Variants in PROP1 observed in about 807,000 individuals in gnomAD.
PROP1 encodes homeobox protein prophet of Pit-1.
A neutral mutation model predicts 22.3 loss-of-function variants in PROP1; 12 were observed. The observed-to-expected ratio is 0.54, with a 90% CI of 0.34 to 0.87. The LOEUF (loss-of-function observed/expected upper bound fraction) is 0.87, where lower values mean the gene tolerates loss of function less well. PROP1 is among the 40% of genes least tolerant of loss of function. The pLI is 0.01. For missense variants in PROP1, 278 were observed against 295.1 expected (o/e 0.94, Z 0.43); for synonymous variants, 112 against 116.7 (o/e 0.96, Z 0.26).
rs587776682 is a variant in PROP1 at position 177,994,323 on chromosome 5, GGTGGAGCACTCGA to G, written c.112_124del (p.Ser38ProfsTer123). Reference sequence around the variant, plus strand: ...TCCTGCACCAGGGAGCCTTCTGCAGGGTGGAGCACTCGAGTCTGAGAACGGAGAGAAGGGAGGG... The same window carrying G: ...TCCTGCACCAGGGAGCCTTCTGCAGGGTCTGAGAACGGAGAGAAGGGAGGG... On this transcript the variant is annotated frameshift_variant and splice_region_variant, in exon 2 of 3. Coordinates refer to ENST00000308304, the MANE Select transcript of PROP1 (RefSeq NM_006261.5). LOFTEE classifies it high-confidence loss of function. The G allele has an allele frequency of 6.2e-6, 10 of 1,603,158 alleles. 1 individual carries two copies. In the South Asian group the frequency reaches 1.1e-4, roughly 18 times the overall value.
At chr5:177,995,435 G>A (rs1036759481) in intron 1 of PROP1, among the ~76,000 whole-genome samples, 54 of 152,086 alleles carry the variant, frequency 3.6e-4, no homozygotes, top group African/African-American at 1.2e-3. Context: ...CCCTCCTAGA[G>A]CTCACTGTCC....
In PROP1 at chr5:177,995,830, G is replaced by T. The variant is rs200195718; in HGVS notation, c.104C>A (p.Thr35Lys). Residue 35 changes from threonine to lysine, a missense_variant, in exon 1 of 3, where the codon ACG becomes AAG. By Grantham distance (78) the Thr-to-Lys change is moderately conservative. Coordinates refer to ENST00000308304, the MANE Select transcript of PROP1 (RefSeq NM_006261.5). The stretch of plus-strand genomic sequence containing the variant: ...ACACCGGGACGGTCACTCACCCACC[G>T]TGGTGGTCGGGGTCCCAGTGGCCGG... ...RHPATGTPTT[T>K]VDSSAPPCRR... The T allele has an allele frequency of 6.2e-7, 1 of 1,613,456 alleles. No homozygotes were observed. The highest frequency in any genetic ancestry group is 1.7e-5 in the Admixed American group (1 of 60,028).
At chr5:177,994,084 G>C (rs775111089) in intron 2 of PROP1, 22 bp downstream of exon 2, 6 of 1,610,290 alleles carry the variant, frequency 3.7e-6, no homozygotes, top group South Asian at 1.1e-5. Context: ...TTTCCTGAGA[G>C]AGGAGGATCC....
At position 177,992,798 on chromosome 5, in the gene PROP1, A is replaced by G. The variant is rs780774091; in HGVS notation, c.592T>C (p.Leu198=). The change falls in exon 3 of 3, where the codon TTG becomes CTG. Residue 198 remains leucine (L), a synonymous_variant. Coordinates refer to ENST00000308304, the MANE Select transcript of PROP1 (RefSeq NM_006261.5). ...AGATGGCCGGCAGGGGCTGGGTGCA[A>G]GGTAGGGTACCAGTCCTCAGACTGG... The part of the protein sequence containing the change: ...SHQSEDWYPT[L]HPAPAGHLPC... The G allele has an allele frequency of 1.8e-5, 29 of 1,605,700 alleles. 1 individual carries two copies. The South Asian group carries it at 3.1e-4, about 17-fold the overall frequency.
intron 2 of PROP1, among the ~76,000 whole-genome samples, chr5:177,993,658 T>C (rs912993837): frequency 1.3e-5 from 2 of 151,652 alleles, no homozygotes; most frequent in African/African-American, 4.8e-5. Flanking sequence ...ACCTCCCGGG[T>C]TCAAGTGATT....
chr5:177,995,802 C>T (rs374115686), intron 1 of PROP1, 23 bp downstream of exon 1: 69 of 1,591,660 alleles, frequency 4.3e-5, no homozygotes, highest in Non-Finnish European at 5.2e-5. Flanking sequence ...CAGGGACCCA[C>T]GCACACCGGG....
In PROP1 at chr5:177,994,127, G is replaced by T. The variant is rs752760222; in HGVS notation, c.321C>A (p.Gly107=). Residue 107 remains glycine, a synonymous_variant, in exon 2 of 3, where the codon GGC becomes GGA. Transcript: ENST00000308304. Reference sequence around the variant, plus strand: ...TCACCTGGATTCGGGCCTCACTGAGGCCAGTGTCCCGGGCAAGACTCTCTC... The same window carrying T: ...TCACCTGGATTCGGGCCTCACTGAGTCCAGTGTCCCGGGCAAGACTCTCTC... ...WARESLARDT[G]LSEARIQVWF... is the part of the protein sequence containing the mutation. 2 of 1,614,136 alleles carry T rather than the reference G, an allele frequency of 1.2e-6. No homozygotes were observed. The highest frequency in any genetic ancestry group is 1.1e-5 in the South Asian group (1 of 91,078).
chr5:177,995,712 T>A, intron 1 of PROP1, 113 bp downstream of exon 1: 1 of 836,466 alleles, frequency 1.2e-6, no homozygotes, highest in East Asian at 2.6e-5. Context: ...AGTTTTAACA[T>A]GATAGGATTC....
rs1032338553 is a variant in PROP1 at position 177,994,373 on chromosome 5, G to A, written c.110-35C>T. 4 of 1,537,078 alleles carry A rather than the reference G, an allele frequency of 2.6e-6. No homozygotes were observed. In the East Asian group the frequency reaches 7.2e-5, roughly 28 times the overall value. On this transcript the variant is annotated intron_variant, in intron 1 of 2. Transcript: ENST00000308304. The stretch of plus-strand genomic sequence containing the variant: ...GAGAGAAGGGAGGGGCGGCTTCTGA[G>A]GAGGACGCTCCTCGGTGCTGGACCA...
At position 177,995,992 on chromosome 5, in the gene PROP1, C is replaced by T; in HGVS notation, c.-59G>A. On this transcript the variant is annotated 5_prime_UTR_variant, in exon 1 of 3. Coordinates refer to ENST00000308304, the MANE Select transcript of PROP1 (RefSeq NM_006261.5). ...CTGACTTGAGATTTCTCTGCTTCCG[C>T]AGCTCCTCTCCACACCTGTTCCCTC... 1.4e-6 allele frequency: 2 copies of T among 1,458,168 alleles called. No individual in the cohort carries two copies. Among genetic ancestry groups the T allele is most frequent in the Non-Finnish European group, 1.9e-6 (2 of 1,045,576 alleles). The allele number at this position is 1,458,168 out of a possible 1,614,324, so 90.3% of individuals were successfully genotyped here. A position where few individuals can be genotyped will look rare whatever the true frequency, so the allele number is the denominator to read the frequency against.
Position 177,994,139 on chromosome 5 carries a change from G to A in PROP1, c.309C>T (p.Ala103=). The A allele has an allele frequency of 6.2e-7, 1 of 1,614,126 alleles. No individual in the cohort carries two copies. Residue 103 remains alanine, a synonymous_variant, in exon 2 of 3, where the codon GCC becomes GCT. Transcript: ENST00000308304. The part of the protein sequence containing the change: ...YPDIWARESL[A]RDTGLSEARI... ...GGGCCTCACTGAGGCCAGTGTCCCGGGCAAGACTCTCTCGGGCCCAGATGT... is the reference window on the plus strand; with the variant it reads ...GGGCCTCACTGAGGCCAGTGTCCCGAGCAAGACTCTCTCGGGCCCAGATGT...
chr5:177,992,778 GC>G lies in PROP1; in HGVS notation c.611del (p.Gly204AlafsTer32), dbSNP rs1554182368. ...GAGGGGGTGGGGGGCAGGGCAGATG[GC>G]CGGCAGGGGCTGGGTGCAAGGTAGG... Reference protein sequence around the residue: ...WYPTLHPAPAGHLPCPPPPPM... With the variant: ...WYPTLHPAPAXHLPCPPPPPM... On this transcript the variant is annotated frameshift_variant, in exon 3 of 3. Coordinates refer to ENST00000308304, the MANE Select transcript of PROP1 (RefSeq NM_006261.5). LOFTEE classifies it high-confidence loss of function. 7 of 1,594,232 alleles carry G rather than the reference GC, an allele frequency of 4.4e-6. No homozygotes were observed. The highest frequency in any genetic ancestry group is 5.1e-6 in the Non-Finnish European group (6 of 1,170,978).
In PROP1 at chr5:177,994,354, A is replaced by G. The variant is rs1412629815; in HGVS notation, c.110-16T>C. 1.9e-6 allele frequency: 3 copies of G among 1,570,880 alleles called. No homozygotes were observed. Among genetic ancestry groups the G allele is most frequent in the Non-Finnish European group, 2.6e-6 (3 of 1,157,252 alleles). On this transcript the variant is annotated splice_polypyrimidine_tract_variant and intron_variant, in intron 1 of 2. Coordinates refer to ENST00000308304, the MANE Select transcript of PROP1 (RefSeq NM_006261.5). ...GCACTCGAGTCTGAGAACGGAGAGA[A>G]GGGAGGGGCGGCTTCTGAGGAGGAC...
chr5:177,995,549 A>C (rs1009043276), intron 1 of PROP1, among the ~76,000 whole-genome samples: 7 of 150,734 alleles, frequency 4.6e-5, no homozygotes, highest in South Asian at 2.1e-4. Flanking sequence ...GGGCTAACCA[A>C]CTCTGAGGTC....
intron 1 of PROP1, 77 bp downstream of exon 1, chr5:177,995,745 CCTT>C (rs763104482): frequency 5.5e-5 from 62 of 1,129,378 alleles, no homozygotes; most frequent in South Asian, 1.6e-4. Context: ...CTCCTCCTAA[CCTT>C]CTTCATGGAG....
chr5:177,992,745 G>A lies in PROP1; in HGVS notation c.645C>T (p.Leu215=). ...HLPCPPPPPM[L]PLSLEPSKSW... ...ACTTGGATGGCTCAAGGCTGAGGGG[G>A]AGCATGGGAGGGGGTGGGGGGCAGG... is the stretch of plus-strand genomic sequence containing the variant. Residue 215 remains leucine, a synonymous_variant, in exon 3 of 3, where the codon CTC becomes CTT. Transcript: ENST00000308304. The A allele has an allele frequency of 6.4e-7, 1 of 1,567,116 alleles. No individual in the cohort carries two copies. Among genetic ancestry groups the A allele is most frequent in the Non-Finnish European group, 8.7e-7 (1 of 1,151,030 alleles).
At chr5:177,995,160 C>G (rs925668638) in intron 1 of PROP1, among the ~76,000 whole-genome samples, 1 of 152,062 alleles carries the variant, frequency 6.6e-6, no homozygotes, top group Non-Finnish European at 1.5e-5. Flanking sequence ...TGGGCACCCC[C>G]CTCTTCCGCT....
chr5:177,993,012 C>G lies in PROP1; in HGVS notation c.378G>C (p.Lys126Asn), dbSNP rs369879673. 6 of 1,613,750 alleles carry G rather than the reference C, an allele frequency of 3.7e-6. No homozygotes were observed. The African/African-American group carries it at 6.7e-5, about 18-fold the overall frequency. ...WFQNRRAKQR[K>N]QERSLLQPLA... is the part of the protein sequence containing the mutation. ...GAGGCTGAAGCAGTGAGCGCTCTTGCTTCCGTTGCTTAGCTCTGCGGTTCT... is the reference window on the plus strand; with the variant it reads ...GAGGCTGAAGCAGTGAGCGCTCTTGGTTCCGTTGCTTAGCTCTGCGGTTCT... Residue 126 changes from lysine to asparagine, a missense_variant, in exon 3 of 3, where the codon AAG becomes AAC. By Grantham distance (94) the Lys-to-Asn change is moderately conservative (BLOSUM62 0). Transcript: ENST00000308304.
intron 1 of PROP1, 80 bp downstream of exon 1, chr5:177,995,745 C>G: frequency 8.9e-7 from 1 of 1,129,496 alleles, no homozygotes; most frequent in Non-Finnish European, 1.3e-6. Flanking sequence ...CTCCTCCTAA[C>G]CTTCTTCATG....
Sources: allele counts gnomAD v4.1 joint callset (sites outside exome capture counted in the v4.1 genomes callset), GRCh38; gene constraint gnomAD v4.1.1; transcripts MANE v1.5; gene names NCBI Gene and HGNC (gene_info 2026-07-23, HGNC 2026-07-21).